The following PLEKHA6 variants were observed in gnomAD, a reference collection of about 807,000 sequenced individuals.
PLEKHA6 encodes the protein pleckstrin homology domain-containing family A member 6.
In PLEKHA6, 60 loss-of-function variants were observed where a neutral mutation model predicts 116.7. That is an observed-to-expected ratio of 0.51 (90% CI 0.42 to 0.64). The LOEUF is 0.64. Ranked by LOEUF, PLEKHA6 falls within the 30% of genes least tolerant of loss-of-function variation. The pLI is 0.00. For synonymous variants in PLEKHA6, 489 were observed against 556.1 expected (o/e 0.88, Z 1.70); for missense variants, 1,338 against 1,422.7 (o/e 0.94, Z 0.96).
At chr1:204,262,790 AG>A (rs1666294530) in intron 6 of PLEKHA6, among the ~76,000 whole-genome samples, 1 of 152,134 alleles carries the variant, frequency 6.6e-6, no homozygotes, top group African/African-American at 2.4e-5. Context: ...CCTCCAGCAG[AG>A]GGCTTAGCAT....
rs1427875918 is a variant in PLEKHA6, at chr1:204,261,340, C to G, written c.490G>C (p.Ala164Pro). Reference protein sequence around the residue: ...GEAARVQIPPAQKSVPQAVRH... With the variant: ...GEAARVQIPPPQKSVPQAVRH... ...ACAGCTTGGGGCACTGACTTCTGGGCTGGAGGGATCTGTACTCGAGCAGCC... is the reference window on the plus strand; with the variant it reads ...ACAGCTTGGGGCACTGACTTCTGGGGTGGAGGGATCTGTACTCGAGCAGCC... The change falls in exon 7 of 23, where the codon GCC (alanine) becomes CCC (proline). Residue 164 changes from alanine to proline, a missense_variant. Ala to Pro is a conservative substitution (Grantham distance 27, BLOSUM62 -1). This residue lies in a region of PLEKHA6 where 140 missense variants were observed against 197.4 expected (regional missense o/e 0.71). Coordinates refer to ENST00000272203, the MANE Select transcript of PLEKHA6 (RefSeq NM_014935.5). The surrounding 1 kb of genome is among the most constrained non-coding windows in gnomAD (Gnocchi z 4.0). 6.2e-7 allele frequency: 1 copy of G among 1,614,058 alleles called. No individual in the cohort carries two copies. The highest frequency in any genetic ancestry group is 8.5e-7 in the Non-Finnish European group (1 of 1,180,036).
chr1:204,353,521 C>A lies in PLEKHA6; in HGVS notation c.-95+6173G>T, dbSNP rs78039277. 9.2e-5 allele frequency among the ~76,000 whole-genome samples: 14 copies of A among 152,324 alleles called. No homozygotes were observed. In the East Asian group the frequency reaches 2.3e-3, roughly 25 times the overall value. ...GAATTACTGGACAGCAGAGAAGTGACTGAGAAGGTCAGAGTCCAAGAAGCA... is the reference window on the plus strand; with the variant it reads ...GAATTACTGGACAGCAGAGAAGTGAATGAGAAGGTCAGAGTCCAAGAAGCA... On this transcript the variant is annotated intron_variant, in intron 1 of 22. Transcript: ENST00000272203.
intron 4 of PLEKHA6, 88 bp downstream of exon 4, chr1:204,268,120 T>G: frequency 3.8e-6 from 3 of 795,548 alleles, no homozygotes; most frequent in Non-Finnish European, 6.0e-6. Flanking sequence ...ACCAAAAAAA[T>G]ACACAGCCTG....
At position 204,248,743 on chromosome 1, in the gene PLEKHA6, C is replaced by G. The variant is rs140145182; in HGVS notation, c.1824+78G>C. 497 of 1,375,624 alleles carry G rather than the reference C, an allele frequency of 3.6e-4. 1 individual carries two copies. In the East Asian group the frequency reaches 0.011, roughly 30 times the overall value. The allele number at this position is 1,375,624 out of a possible 1,614,324, so 85.2% of individuals were successfully genotyped here. ...TCCTCTGAGGAAAACTGGACTAGGA[C>G]AGCACAAGCTGGGAGGTGGTGGCCC... On this transcript the variant is annotated intron_variant, in intron 12 of 22. Coordinates refer to ENST00000272203, the MANE Select transcript of PLEKHA6 (RefSeq NM_014935.5).
chr1:204,294,665 C>T (rs1478502614), intron 1 of PLEKHA6, among the ~76,000 whole-genome samples: 1 of 152,140 alleles, frequency 6.6e-6, no homozygotes, highest in East Asian at 1.9e-4. Context: ...AGTCAGACTG[C>T]CCCAGTTCCA....
chr1:204,247,538 G>A (rs1433375780), intron 12 of PLEKHA6, 78 bp from the exon 13 acceptor site: 25 of 931,806 alleles, frequency 2.7e-5, no homozygotes, highest in Non-Finnish European at 3.6e-5. Flanking sequence ...GGACCCTGGG[G>A]CCAGGGTACC....
Position 204,267,581 on chromosome 1 carries a change from G to A in PLEKHA6, c.208-34C>T, listed in dbSNP as rs894440380. ...CATGGGAGAGGCAGATGTGAGGGCTGCAAGCTGGACGTGGACGAGGAGATG... is the reference window on the plus strand; with the variant it reads ...CATGGGAGAGGCAGATGTGAGGGCTACAAGCTGGACGTGGACGAGGAGATG... On this transcript the variant is annotated intron_variant, in intron 4 of 22. Coordinates refer to ENST00000272203, the MANE Select transcript of PLEKHA6 (RefSeq NM_014935.5). The A allele has an allele frequency of 8.2e-6, 13 of 1,579,690 alleles. No individual in the cohort carries two copies. In the African/African-American group the frequency reaches 9.4e-5, roughly 11 times the overall value.
chr1:204,269,396 A>G (rs1667206512), intron 3 of PLEKHA6, among the ~76,000 whole-genome samples: 1 of 148,852 alleles, frequency 6.7e-6, no homozygotes, highest in Non-Finnish European at 1.5e-5. Context: ...AAATTAATCA[A>G]ATTGTCTACT....
chr1:204,235,101 C>A lies in PLEKHA6; in HGVS notation c.2410-4515G>T, dbSNP rs1355134824. Among the ~76,000 whole-genome samples the A allele has an allele frequency of 2.0e-5, 3 of 148,892 alleles. No homozygotes were observed. In the East Asian group the frequency reaches 5.9e-4, roughly 29 times the overall value. On this transcript the variant is annotated intron_variant, in intron 17 of 22. Coordinates refer to ENST00000272203, the MANE Select transcript of PLEKHA6 (RefSeq NM_014935.5). ...TACAGATTTTGGTATTAAGGATGAA[C>A]CCTAATTAATACAGATTTTGGTATT...
rs371797252 is a variant in PLEKHA6, at chr1:204,238,329, T to C, written c.2409+3046A>G. The stretch of plus-strand genomic sequence containing the variant: ...CCTTTGGCAGGCCCCCATAGGTGAA[T>C]CACAGCAGAAGCCCCTAGGATTTTG... On this transcript the variant is annotated intron_variant, in intron 17 of 22. Coordinates refer to ENST00000272203, the MANE Select transcript of PLEKHA6 (RefSeq NM_014935.5). This position sits in a 1 kb window ranked among gnomAD's most constrained non-coding sequence, Gnocchi z 4.2. 1.1e-3 allele frequency among the ~76,000 whole-genome samples: 162 copies of C among 152,254 alleles called. 1 individual carries two copies. The highest frequency in any genetic ancestry group is 3.6e-3 in the African/African-American group (150 of 41,548).
intron 1 of PLEKHA6, among the ~76,000 whole-genome samples, chr1:204,345,298 C>T (rs1338847562): frequency 2.0e-5 from 3 of 152,140 alleles, no homozygotes; most frequent in South Asian, 2.1e-4. Context: ...TGTCTCCATG[C>T]TTACCACTCT....
chr1:204,297,852 G>T lies in PLEKHA6; in HGVS notation c.-94-23043C>A, dbSNP rs6594001. The T allele has an allele frequency of 9.2e-6, 9 of 978,786 alleles. No individual in the cohort carries two copies. The East Asian group carries it at 5.7e-4, about 62-fold the overall frequency. 60.6% of individuals were successfully genotyped at this position (978,786 alleles called of 1,614,324 possible). ...GGATTTAGGGTTCTTTGCAGGTTTT[G>T]GTTGCCCAACCTCCACAAGGTCCAT... On this transcript the variant is annotated intron_variant, in intron 1 of 22. Coordinates refer to ENST00000272203, the MANE Select transcript of PLEKHA6 (RefSeq NM_014935.5).
At chr1:204,269,105 C>G (rs1182681268) in intron 3 of PLEKHA6, among the ~76,000 whole-genome samples, 3 of 151,896 alleles carry the variant, frequency 2.0e-5, no homozygotes, top group African/African-American at 7.3e-5. Context: ...CCCCAAGCCC[C>G]TCTGCGGCTA....
chr1:204,222,296 G>A lies in PLEKHA6; in HGVS notation c.*492C>T, dbSNP rs1015070896. 1 of 152,830 alleles carries A rather than the reference G, an allele frequency of 6.5e-6. No individual in the cohort carries two copies. Among genetic ancestry groups the A allele is most frequent in the South Asian group, 2.1e-4 (1 of 4,828 alleles). 9.5% of individuals were successfully genotyped at this position (152,830 alleles called of 1,614,324 possible). On this transcript the variant is annotated 3_prime_UTR_variant, in exon 23 of 23. Transcript: ENST00000272203. ...GCTGAGGCAGTAGGGTGGGGCTGAC[G>A]AGGATAGGGATGATGACAAGTGCTG...
intron 1 of PLEKHA6, among the ~76,000 whole-genome samples, chr1:204,329,286 C>T (rs1312058758): frequency 6.6e-6 from 1 of 152,184 alleles, no homozygotes; most frequent in East Asian, 1.9e-4. Flanking sequence ...CTTTCCAGGA[C>T]CTTCAACCTG....
At chr1:204,365,004 C>G (rs1673623002) in intron 3 of PLEKHA6, among the ~76,000 whole-genome samples, 1 of 152,102 alleles carries the variant, frequency 6.6e-6, no homozygotes, top group Non-Finnish European at 1.5e-5. Flanking sequence ...GAAGGAAGAA[C>G]AAGTGTTCTC....
At position 204,223,510 on chromosome 1, in the gene PLEKHA6, G is replaced by C; in HGVS notation, c.3107C>G (p.Ser1036Cys). Residue 1036 changes from serine (S) to cysteine (C), a missense_variant, in exon 22 of 23, where the codon TCC becomes TGC. By Grantham distance (112) the Ser-to-Cys change is moderately radical. Transcript: ENST00000272203. This position sits in a 1 kb window ranked among gnomAD's most constrained non-coding sequence, Gnocchi z 4.8. ...ATAGCTGCTGTCGGCGCCCCGTGGG[G>C]ATTCAGACGACAGGGGGTTTGCTGG... ...APPANPLSSESPRGADSSYTM... is the reference protein window; with the variant it reads ...APPANPLSSECPRGADSSYTM... The C allele has an allele frequency of 6.5e-7, 1 of 1,544,620 alleles. No homozygotes were observed. The highest frequency in any genetic ancestry group is 8.8e-7 in the Non-Finnish European group (1 of 1,142,198).
intron 1 of PLEKHA6, among the ~76,000 whole-genome samples, chr1:204,310,534 C>A (rs965710985): frequency 2.0e-5 from 3 of 152,222 alleles, no homozygotes; most frequent in Non-Finnish European, 4.4e-5. Flanking sequence ...GTCTTTACCA[C>A]TCAACTGTCA....
chr1:204,354,706 A>AT, intron 1 of PLEKHA6, among the ~76,000 whole-genome samples: 1 of 152,348 alleles, frequency 6.6e-6, no homozygotes, highest in Middle Eastern at 3.4e-3. Context: ...CAAATTCCAG[A>AT]TGAGCCTTCT....
Sources: allele counts gnomAD v4.1 joint callset (sites outside exome capture counted in the v4.1 genomes callset), GRCh38; gene constraint gnomAD v4.1.1; regional missense constraint gnomAD v4.1.1; non-coding constraint Gnocchi (gnomAD v3.1); transcripts MANE v1.5; gene names NCBI Gene and HGNC (gene_info 2026-07-23, HGNC 2026-07-21).